Variants in ELP1 observed in about 807,000 individuals in gnomAD.
ELP1 encodes the protein elongator acetyltransferase complex subunit 1.
A neutral mutation model predicts 183.2 loss-of-function variants in ELP1; 131 were observed. The observed-to-expected ratio is 0.72, with a 90% CI of 0.62 to 0.83. The LOEUF (loss-of-function observed/expected upper bound fraction) is 0.83. ELP1 is among the 40% of genes least tolerant of loss of function. The probability of loss-of-function intolerance (pLI) is 0.00; values close to 1 mark genes in which losing one functional copy is unlikely to be tolerated. For synonymous variants in ELP1, 555 were observed against 569.0 expected (o/e 0.98, Z 0.35); for missense variants, 1,550 against 1,594.9 (o/e 0.97, Z 0.48).
intron 13 of ELP1, among the ~76,000 whole-genome samples, chr9:108,907,447 T>C (rs998753193): frequency 1.3e-5 from 2 of 152,188 alleles, no homozygotes; most frequent in African/African-American, 2.4e-5. Flanking sequence ...AGCCTCAAAA[T>C]CATACAGAGG....
chr9:108,882,063 G>T, intron 30 of ELP1, 62 bp downstream of exon 30: 1 of 1,362,058 alleles, frequency 7.3e-7, no homozygotes, highest in Non-Finnish European at 1.0e-6. Flanking sequence ...AACTGACCTG[G>T]AATCCCTTGC....
chr9:108,926,725 C>G (rs1829835870), intron 4 of ELP1, 122 bp from the exon 5 acceptor site: 7 of 737,812 alleles, frequency 9.5e-6, no homozygotes, highest in South Asian at 7.9e-5. Context: ...CAGAATTCAT[C>G]CAAAATGCTT....
chr9:108,913,682 CTG>C (rs1829318873), intron 10 of ELP1, among the ~76,000 whole-genome samples: 1 of 152,114 alleles, frequency 6.6e-6, no homozygotes, highest in Admixed American at 6.6e-5. Flanking sequence ...GAGTCTCACT[CTG>C]TCACCCATGC....
At position 108,897,913 on chromosome 9, in the gene ELP1, C is replaced by T. The variant is rs1828619190; in HGVS notation, c.2363+589G>A. Among the ~76,000 whole-genome samples, 4 of 152,062 alleles carry T rather than the reference C, an allele frequency of 2.6e-5. No homozygotes were observed. The East Asian group carries it at 7.7e-4, about 29-fold the overall frequency. On this transcript the variant is annotated intron_variant, in intron 22 of 36. Coordinates refer to ENST00000374647, the MANE Select transcript of ELP1 (RefSeq NM_003640.5). ...ACATTTCACTGTAGATAAATATGACCTGAAAAAACACAACAAAACCAACCC... is the reference window on the plus strand; with the variant it reads ...ACATTTCACTGTAGATAAATATGACTTGAAAAAACACAACAAAACCAACCC...
At chr9:108,912,091 T>C (rs1245556168) in intron 11 of ELP1, among the ~76,000 whole-genome samples, 173 bp downstream of exon 11, 2 of 152,054 alleles carry the variant, frequency 1.3e-5, no homozygotes, top group Non-Finnish European at 2.9e-5. Context: ...GGGGGGACAA[T>C]GGTTCTCAGG....
chr9:108,926,089 C>T (rs1024837603), intron 5 of ELP1, among the ~76,000 whole-genome samples: 3 of 152,200 alleles, frequency 2.0e-5, no homozygotes, highest in African/African-American at 4.8e-5. Flanking sequence ...CCCCCACAGC[C>T]TTAATGCCCA....
chr9:108,930,756 C>G (rs777155655), intron 2 of ELP1, among the ~76,000 whole-genome samples: 3 of 150,000 alleles, frequency 2.0e-5, no homozygotes, highest in Non-Finnish European at 4.4e-5. Flanking sequence ...GTAAAAAGTA[C>G]GGCACACACT....
At chr9:108,900,755 CACACACACACAT>C (rs1455494431) in intron 18 of ELP1, among the ~76,000 whole-genome samples, 23 of 151,822 alleles carry the variant, frequency 1.5e-4, no homozygotes, top group African/African-American at 4.3e-4. Flanking sequence ...GAATAAGGAA[CACACACACACAT>C]ACACGCCACA....
rs558371799 is a variant in ELP1, at chr9:108,878,549, T to C, written c.3700+74A>G. On this transcript the variant is annotated intron_variant, in intron 34 of 36. Coordinates refer to ENST00000374647, the MANE Select transcript of ELP1 (RefSeq NM_003640.5). ...GGAAAATGGTAGCTTAATCACCTAC[T>C]GAACTCTGCCTGTCTGTACTGCCTA... The C allele has an allele frequency of 9.4e-6, 15 of 1,593,692 alleles. No individual in the cohort carries two copies. In the East Asian group the frequency reaches 1.6e-4, roughly 17 times the overall value.
At chr9:108,903,707 T>C (rs575801358) in intron 14 of ELP1, 38 bp from the exon 15 acceptor site, 1 of 1,450,696 alleles carries the variant, frequency 6.9e-7, no homozygotes, top group African/African-American at 1.4e-5. Context: ...AAACAGACCA[T>C]TTTTCTCAAA....
In ELP1 at chr9:108,892,961, A is replaced by G. The variant is rs376813246; in HGVS notation, c.2958+25T>C. ...CTAAAGCAAAAAGCAAAACCAGGAG[A>G]GCCTCATTTTCACATACCACATACC... On this transcript the variant is annotated intron_variant, in intron 27 of 36. Coordinates refer to ENST00000374647, the MANE Select transcript of ELP1 (RefSeq NM_003640.5). 2.3e-5 allele frequency: 35 copies of G among 1,540,314 alleles called. No individual in the cohort carries two copies. In the African/African-American group the frequency reaches 3.3e-4, roughly 14 times the overall value.
intron 10 of ELP1, among the ~76,000 whole-genome samples, chr9:108,912,738 CAT>C (rs1328730771): frequency 6.7e-6 from 1 of 149,056 alleles, no homozygotes; most frequent in East Asian, 2.0e-4. Context: ...AACTTTTATT[CAT>C]ATGTTTATTT....
chr9:108,931,074 A>G lies in ELP1; in HGVS notation c.73T>C (p.Ser25Pro). Residue 25 changes from serine to proline, a missense_variant, in exon 2 of 37, where the codon TCT (serine) becomes CCT (proline). Ser to Pro is a moderately conservative substitution (Grantham distance 74). Transcript: ENST00000374647. Reference protein sequence around the residue: ...IQGPGNPQCFSLRTEQGTVLI... With the variant: ...IQGPGNPQCFPLRTEQGTVLI... ...ACCGTCCCCTGTTCAGTTCGGAGAGAGAAGCACTGAGGATTCCCTGGACCT... is the reference window on the plus strand; with the variant it reads ...ACCGTCCCCTGTTCAGTTCGGAGAGGGAAGCACTGAGGATTCCCTGGACCT... 2 of 1,614,068 alleles carry G rather than the reference A, an allele frequency of 1.2e-6. No homozygotes were observed. Among genetic ancestry groups the G allele is most frequent in the Non-Finnish European group, 1.7e-6 (2 of 1,179,922 alleles).
intron 3 of ELP1, 61 bp from the exon 4 acceptor site, chr9:108,927,514 G>A (rs1462425965): frequency 2.4e-6 from 3 of 1,268,184 alleles, no homozygotes; most frequent in African/African-American, 2.9e-5. Flanking sequence ...AAAACTGACT[G>A]CAACTTCAAT....
Position 108,887,368 on chromosome 9 carries a change from G to C in ELP1, c.3222+1964C>G, listed in dbSNP as rs1216317555. 1.8e-4 allele frequency among the ~76,000 whole-genome samples: 27 copies of C among 152,068 alleles called. 1 individual carries two copies. The highest frequency in any genetic ancestry group is 1.8e-3 in the Admixed American group (27 of 15,260). ...TGGAAGCCCTAGAAAATGCAATACA[G>C]ATAGAAAAAAGTATTGATTGTAAGA... is the stretch of plus-strand genomic sequence containing the variant. On this transcript the variant is annotated intron_variant, in intron 29 of 36. Coordinates refer to ENST00000374647, the MANE Select transcript of ELP1 (RefSeq NM_003640.5).
chr9:108,898,464 T>C (rs1207997067), intron 22 of ELP1, 38 bp downstream of exon 22: 36 of 1,263,186 alleles, frequency 2.8e-5, no homozygotes, highest in Non-Finnish European at 4.0e-5. Flanking sequence ...GAGAGAAAAC[T>C]ATGGAAAAGA....
rs184605479 is a variant in ELP1 at position 108,902,697 on chromosome 9, T to C, written c.1854+142A>G. The C allele has an allele frequency of 1.5e-4, 105 of 707,706 alleles. No individual in the cohort carries two copies. The East Asian group carries it at 2.7e-3, about 18-fold the overall frequency. The allele number at this position is 707,706 out of a possible 1,614,324, so 43.8% of individuals were successfully genotyped here. On this transcript the variant is annotated intron_variant, in intron 16 of 36. Transcript: ENST00000374647. ...TTATAGATGAATAAGGTGTGGCTTA[T>C]GAAAGTGAGATCATTTCCCACTATT...
At chr9:108,914,625 CT>C (rs1394301357) in intron 10 of ELP1, among the ~76,000 whole-genome samples, 4 of 151,790 alleles carry the variant, frequency 2.6e-5, no homozygotes, top group Non-Finnish European at 4.4e-5. Flanking sequence ...CACACCTACA[CT>C]TTTTTTTGTT....
intron 19 of ELP1, 44 bp downstream of exon 19, chr9:108,900,216 G>A: frequency 7.5e-7 from 1 of 1,332,494 alleles, no homozygotes; most frequent in Non-Finnish European, 1.1e-6. Context: ...GTACTTGGCT[G>A]AATGACAATC....
Sources: allele counts gnomAD v4.1 joint callset (sites outside exome capture counted in the v4.1 genomes callset), GRCh38; gene constraint gnomAD v4.1.1; transcripts MANE v1.5; gene names NCBI Gene and HGNC (gene_info 2026-07-23, HGNC 2026-07-21).